Variants in ITGA9 observed in about 807,000 individuals in gnomAD.
ITGA9 encodes integrin alpha-9.
Under a neutral mutation model 127.8 loss-of-function variants are expected in ITGA9, and 56 were observed. The ratio of observed to expected loss-of-function variants is 0.44; its 90% CI spans 0.35 to 0.55. The LOEUF (loss-of-function observed/expected upper bound fraction) is 0.55, where lower values mean the gene tolerates loss of function less well. Ranked by LOEUF, ITGA9 falls within the 20% of genes least tolerant of loss-of-function variation. The pLI, the probability that ITGA9 is intolerant of heterozygous loss-of-function variation, is 0.00. For missense variants in ITGA9, 1,196 were observed against 1,347.1 expected (o/e 0.89, Z 1.76); for synonymous variants, 508 against 514.5 (o/e 0.99, Z 0.17).
intron 16 of ITGA9, among the ~76,000 whole-genome samples, chr3:37,651,481 G>A (rs1254243789): frequency 1.3e-5 from 2 of 152,180 alleles, no homozygotes; most frequent in East Asian, 3.9e-4. Flanking sequence ...GTGGTCTTTC[G>A]GTGTTGATAA....
rs1191034315 is a variant in ITGA9 at position 37,820,147 on chromosome 3, G to GA, written c.*1159dup. 1 of 152,264 alleles carries GA rather than the reference G, an allele frequency of 6.6e-6. No individual in the cohort carries two copies. The highest frequency in any genetic ancestry group is 1.9e-4 in the East Asian group (1 of 5,200). The allele number at this position is 152,264 out of a possible 1,614,324, so 9.4% of individuals were successfully genotyped here. ...GTATTCCCAGGGGATACCAGTAAGA[G>GA]AGTGGGGGAAGCAGGACAAGGAAGG... On this transcript the variant is annotated 3_prime_UTR_variant, in exon 28 of 28. Coordinates refer to ENST00000264741, the MANE Select transcript of ITGA9 (RefSeq NM_002207.3).
chr3:37,760,712 T>A (rs1696713942), intron 23 of ITGA9, among the ~76,000 whole-genome samples: 1 of 152,074 alleles, frequency 6.6e-6, no homozygotes, highest in African/African-American at 2.4e-5. Context: ...TTAAAAAAAA[T>A]ATTTGCAGAA....
intron 15 of ITGA9, among the ~76,000 whole-genome samples, chr3:37,593,027 G>C (rs1316618145): frequency 6.6e-6 from 1 of 152,094 alleles, no homozygotes; most frequent in Non-Finnish European, 1.5e-5. Flanking sequence ...GAATAACCAG[G>C]GGGAAAAAAG....
chr3:37,648,226 TGTGAG>T (rs1700398115), intron 16 of ITGA9, among the ~76,000 whole-genome samples: 1 of 152,194 alleles, frequency 6.6e-6, no homozygotes, highest in South Asian at 2.1e-4. Context: ...TCCTAACTGT[TGTGAG>T]GTGATATTTC....
At chr3:37,630,862 C>CAGGTGGGCAGAGT (rs1187823049) in intron 16 of ITGA9, among the ~76,000 whole-genome samples, 2 of 152,096 alleles carry the variant, frequency 1.3e-5, no homozygotes, top group Non-Finnish European at 2.9e-5. Flanking sequence ...GGTGTCTAAG[C>CAGGTGGGCAGAGT]AGGTGGGCAG....
rs57519245 is a variant in ITGA9, at chr3:37,748,932, G to A, written c.2434-1530G>A. The stretch of plus-strand genomic sequence containing the variant: ...GTGTCTAAAAAATGAAAGACCTCTG[G>A]ACTGTTTAAAAAAAAAAAGAAAAAA... On this transcript the variant is annotated intron_variant, in intron 22 of 27. Transcript: ENST00000264741. The A allele has an allele frequency of 2.2e-3, 1,550 of 711,596 alleles. 23 individuals carry two copies. The African/African-American group carries it at 0.025, about 11-fold the overall frequency. The allele number at this position is 711,596 out of a possible 1,614,324, so 44.1% of individuals were successfully genotyped here.
At chr3:37,528,249 G>T (rs561261880) in intron 13 of ITGA9, among the ~76,000 whole-genome samples, 39 of 152,302 alleles carry the variant, frequency 2.6e-4, no homozygotes, top group African/African-American at 9.4e-4. Context: ...CCAGGAGTTT[G>T]CTCACATATG....
At chr3:37,685,488 AAGTATCGCTGGCCACACACAC>A (rs1700774215) in intron 18 of ITGA9, among the ~76,000 whole-genome samples, 1 of 152,160 alleles carries the variant, frequency 6.6e-6, no homozygotes, top group African/African-American at 2.4e-5. Context: ...TGTATGGTTC[AAGTATCGCTGGCCACACACAC>A]AGTATCTTTT....
rs142910263 is a variant in ITGA9, at chr3:37,502,065, T to A, written c.613-1113T>A. Among the ~76,000 whole-genome samples, 447 of 152,318 alleles carry A rather than the reference T, an allele frequency of 2.9e-3. 7 individuals are homozygous for A. The highest frequency in any genetic ancestry group is 3.5e-3 in the East Asian group (18 of 5,188). Reference sequence around the variant, plus strand: ...AACCCCAGCAGATATCTGTGCTGACTTCCTTGGGTGACCAAATCATTTCTG... The same window carrying A: ...AACCCCAGCAGATATCTGTGCTGACATCCTTGGGTGACCAAATCATTTCTG... On this transcript the variant is annotated intron_variant, in intron 5 of 27. Coordinates refer to ENST00000264741, the MANE Select transcript of ITGA9 (RefSeq NM_002207.3).
intron 15 of ITGA9, among the ~76,000 whole-genome samples, chr3:37,600,851 A>C (rs1019596712): frequency 6.6e-6 from 1 of 152,254 alleles, no homozygotes; most frequent in Non-Finnish European, 1.5e-5. Context: ...CCATGTGTGC[A>C]CATATACACA....
rs1271695496 is a variant in ITGA9 at position 37,806,930 on chromosome 3, C to T, written c.3009+2988C>T. ...ACTAGGCACTGGGATGCAGCAATAACTGTGCCCTTCCCTGCACTTGACCGC... is the reference window on the plus strand; with the variant it reads ...ACTAGGCACTGGGATGCAGCAATAATTGTGCCCTTCCCTGCACTTGACCGC... On this transcript the variant is annotated intron_variant, in intron 27 of 27. Coordinates refer to ENST00000264741, the MANE Select transcript of ITGA9 (RefSeq NM_002207.3). This position sits in a 1 kb window ranked among gnomAD's most constrained non-coding sequence, Gnocchi z 4.3. 1 of 152,260 alleles carries T rather than the reference C, an allele frequency of 6.6e-6. No individual in the cohort carries two copies. Among genetic ancestry groups the T allele is most frequent in the Non-Finnish European group, 1.5e-5 (1 of 68,070 alleles). 9.4% of individuals were successfully genotyped at this position (152,260 alleles called of 1,614,324 possible).
chr3:37,554,604 C>T (rs1699412038), intron 15 of ITGA9, among the ~76,000 whole-genome samples: 1 of 151,972 alleles, frequency 6.6e-6, no homozygotes, highest in Non-Finnish European at 1.5e-5. Context: ...GGAGACTGAG[C>T]GTTACCCAGG....
intron 22 of ITGA9, chr3:37,748,939 TAAAAAAA>T (rs549488698): frequency 3.3e-5 from 18 of 551,806 alleles, no homozygotes; most frequent in Non-Finnish European, 4.6e-5. Flanking sequence ...CTGGACTGTT[TAAAAAAA>T]AAAAGAAAAA....
chr3:37,781,639 G>A (rs73825420), intron 25 of ITGA9, among the ~76,000 whole-genome samples: 4,894 of 152,270 alleles, frequency 0.032, 243 homozygotes, highest in South Asian at 0.12. Context: ...ACAAGTTGCT[G>A]TAAAAATAAT....
intron 18 of ITGA9, among the ~76,000 whole-genome samples, chr3:37,709,967 C>G (rs547652504): frequency 6.6e-6 from 1 of 152,210 alleles, no homozygotes; most frequent in Non-Finnish European, 1.5e-5. Flanking sequence ...AAGCGCGAAA[C>G]TCTGTGAAAC....
At chr3:37,570,221 G>A (rs1699587419) in intron 15 of ITGA9, among the ~76,000 whole-genome samples, 1 of 152,236 alleles carries the variant, frequency 6.6e-6, no homozygotes, top group Admixed American at 6.5e-5. Flanking sequence ...TCAAGTGGTT[G>A]GCAGCTTTTA....
chr3:37,670,155 A>C (rs1458748052), intron 17 of ITGA9, among the ~76,000 whole-genome samples: 1 of 152,046 alleles, frequency 6.6e-6, no homozygotes, highest in Non-Finnish European at 1.5e-5. Context: ...TCACCTCCTA[A>C]GCCAAGAAGG....
rs955713688 is a variant in ITGA9, at chr3:37,798,511, ACT to A, written c.2890-5309_2890-5308del. ...TCTAGGCTCTCAGGCCCCATTCTAG[ACT>A]CTAATTCAGAATCTGCATTTTAATA... On this transcript the variant is annotated intron_variant, in intron 26 of 27. Transcript: ENST00000264741. Among the ~76,000 whole-genome samples the A allele has an allele frequency of 2.2e-4, 34 of 152,126 alleles. No individual in the cohort carries two copies. The South Asian group carries it at 2.7e-3, about 12-fold the overall frequency.
chr3:37,512,659 C>T (rs1351909509), intron 8 of ITGA9, among the ~76,000 whole-genome samples: 1 of 152,150 alleles, frequency 6.6e-6, no homozygotes, highest in Admixed American at 6.5e-5. Flanking sequence ...AACACTGGCA[C>T]TTTAAATAAA....
Sources: gnomAD v4.1 joint callset for allele counts (sites outside exome capture counted in the v4.1 genomes callset) on GRCh38, gnomAD v4.1.1 for gene constraint, Gnocchi (gnomAD v3.1) non-coding constraint, MANE v1.5 for transcripts, NCBI Gene and HGNC (gene_info 2026-07-23, HGNC 2026-07-21) for gene names.